The following NRXN3 variants were observed in gnomAD, a reference collection of about 807,000 sequenced individuals.
The protein encoded by NRXN3 is neurexin 3, also known as neurexin III.
A neutral mutation model predicts 137.6 loss-of-function variants in NRXN3; 32 were observed. The ratio of observed to expected loss-of-function variants is 0.23; its 90% confidence interval spans 0.18 to 0.31. NRXN3 has a LOEUF of 0.31. NRXN3 is among the 10% of genes least tolerant of loss of function. NRXN3 has a pLI of 1.00. For missense variants in NRXN3, 1,574 were observed against 2,062.5 expected (o/e 0.76, Z 4.59); for synonymous variants, 798 against 784.5 (o/e 1.02, Z -0.29).
At chr14:79,257,397 GTGGTGGTGGTGGTGGTGA>G (rs2076767002) in intron 15 of NRXN3, among the ~76,000 whole-genome samples, 3 of 87,380 alleles carry the variant, frequency 3.4e-5, no homozygotes, top group Admixed American at 2.5e-4. Context: ...GATGGTGGTG[GTGGTGGTGGTGGTGGTGA>G]TGGTGGTGAT....
chr14:78,504,506 G>A (rs2095942969), intron 4 of NRXN3, among the ~76,000 whole-genome samples: 1 of 152,172 alleles, frequency 6.6e-6, no homozygotes, highest in Admixed American at 6.5e-5. Context: ...AGAGATGAAT[G>A]AGGAGATAAT....
rs1438595417 is a variant in NRXN3, at chr14:79,807,395, A to G, written c.4093+2205A>G. Among the ~76,000 whole-genome samples, 3 of 152,180 alleles carry G rather than the reference A, an allele frequency of 2.0e-5. No homozygotes were observed. The East Asian group carries it at 5.8e-4, about 29-fold the overall frequency. The stretch of plus-strand genomic sequence containing the variant: ...CCCTGCCTCAGAAAGTCATCTCCAC[A>G]GCAACATTCATAATAAGGCAGTGGG... On this transcript the variant is annotated intron_variant, in intron 20 of 20. Transcript: ENST00000335750.
chr14:79,301,263 G>A (rs886081278), intron 15 of NRXN3, among the ~76,000 whole-genome samples: 3 of 152,058 alleles, frequency 2.0e-5, no homozygotes, highest in South Asian at 2.1e-4. Context: ...GTGATTGACT[G>A]TGGCTGAGTG....
chr14:78,709,371 G>C lies in NRXN3; in HGVS notation c.1376G>C (p.Ser459Thr), dbSNP rs778432664. ...INFETPEAYI[S>T]LPKWNTKRMG... ...TTTGAGACCCCAGAGGCTTACATCA[G>C]CTTGCCCAAGTGGAACACTAAACGT... Residue 459 changes from serine to threonine, a missense_variant, in exon 7 of 21, where the codon AGC becomes ACC. Ser to Thr is a moderately conservative substitution (Grantham distance 58, BLOSUM62 1). This residue lies in a region of NRXN3 where 718 missense variants were observed against 887.6 expected (regional missense o/e 0.81). Coordinates refer to ENST00000335750, the MANE Select transcript of NRXN3 (RefSeq NM_001330195.2). 3.7e-6 allele frequency: 6 copies of C among 1,614,016 alleles called. No homozygotes were observed. Among genetic ancestry groups the C allele is most frequent in the Non-Finnish European group, 4.2e-6 (5 of 1,180,028 alleles).
At chr14:79,418,806 C>T (rs2095534368) in intron 15 of NRXN3, among the ~76,000 whole-genome samples, 2 of 152,138 alleles carry the variant, frequency 1.3e-5, no homozygotes, top group South Asian at 4.1e-4. Context: ...GGGTAAACAG[C>T]AGGTGACAGT....
intron 15 of NRXN3, among the ~76,000 whole-genome samples, chr14:79,211,240 T>A (rs956740969): frequency 6.6e-5 from 10 of 152,200 alleles, no homozygotes; most frequent in Admixed American, 3.9e-4. Context: ...AGTACTTCTC[T>A]GTATTGTCAT....
chr14:78,770,768 AAAGT>A (rs1567262849), intron 8 of NRXN3, among the ~76,000 whole-genome samples: 1 of 152,204 alleles, frequency 6.6e-6, no homozygotes, highest in Non-Finnish European at 1.5e-5. Context: ...GAGGAGGAAC[AAAGT>A]AAGTAAGGCA....
intron 16 of NRXN3, among the ~76,000 whole-genome samples, chr14:79,529,118 A>G (rs1453602899): frequency 1.3e-5 from 2 of 152,158 alleles, no homozygotes; most frequent in Non-Finnish European, 2.9e-5. Context: ...AGTATGGGCC[A>G]GCTACTCTCT....
At chr14:79,394,705 A>G (rs925002618) in intron 15 of NRXN3, among the ~76,000 whole-genome samples, 2 of 152,226 alleles carry the variant, frequency 1.3e-5, no homozygotes, top group South Asian at 2.1e-4. Context: ...TAAACATTGT[A>G]TATGTAAATA....
chr14:78,663,234 G>C (rs1185358923), intron 6 of NRXN3, among the ~76,000 whole-genome samples: 1 of 152,166 alleles, frequency 6.6e-6, no homozygotes. Flanking sequence ...CTCTGGAAAA[G>C]GTTGGTGATT....
chr14:79,256,490 C>G (rs146076786), intron 15 of NRXN3, among the ~76,000 whole-genome samples: 260 of 152,238 alleles, frequency 1.7e-3, no homozygotes, highest in African/African-American at 6.0e-3. Context: ...TAGTAGAGTG[C>G]CCCCTAGCAC....
At chr14:78,795,939 G>A (rs1485919158) in intron 8 of NRXN3, among the ~76,000 whole-genome samples, 2 of 152,164 alleles carry the variant, frequency 1.3e-5, no homozygotes, top group African/African-American at 2.4e-5. Flanking sequence ...GCTGCCATCC[G>A]CTAGCTCACC....
chr14:78,847,280 A>T (rs2099029847), intron 10 of NRXN3, among the ~76,000 whole-genome samples: 1 of 152,082 alleles, frequency 6.6e-6, no homozygotes, highest in African/African-American at 2.4e-5. Flanking sequence ...CTGTCTGAAA[A>T]AATGTGCCCA....
intron 4 of NRXN3, among the ~76,000 whole-genome samples, chr14:78,471,291 AACACACAC>A (rs553942003): frequency 0.067 from 6,524 of 96,796 alleles, 209 homozygotes; most frequent in African/African-American, 0.1. Context: ...CAACACACTC[AACACACAC>A]ACACACACAC....
chr14:78,401,074 C>T (rs1295687113), intron 4 of NRXN3, among the ~76,000 whole-genome samples: 1 of 152,228 alleles, frequency 6.6e-6, no homozygotes, highest in Non-Finnish European at 1.5e-5. Context: ...GACAAATGCT[C>T]TGTCCTCACA....
chr14:79,115,155 G>A (rs934716556), intron 15 of NRXN3, among the ~76,000 whole-genome samples: 1 of 151,772 alleles, frequency 6.6e-6, no homozygotes, highest in Non-Finnish European at 1.5e-5. Context: ...GAGAAACCCC[G>A]TCTCTACTAA....
intron 10 of NRXN3, among the ~76,000 whole-genome samples, chr14:78,892,504 A>ATTGAAGG (rs888206302): frequency 6.6e-6 from 1 of 151,748 alleles, no homozygotes; most frequent in African/African-American, 2.4e-5. Flanking sequence ...ATTGGCAGTC[A>ATTGAAGG]TTGAAGGTTT....
At chr14:78,600,677 A>G (rs2097195093) in intron 4 of NRXN3, among the ~76,000 whole-genome samples, 1 of 152,082 alleles carries the variant, frequency 6.6e-6, no homozygotes, top group African/African-American at 2.4e-5. Context: ...ATGAGCCTCA[A>G]CTCCAAATTG....
chr14:78,221,161 C>G (rs935822931), intron 1 of NRXN3, among the ~76,000 whole-genome samples: 18 of 152,178 alleles, frequency 1.2e-4, no homozygotes, highest in African/African-American at 3.4e-4. Flanking sequence ...TAATGATTGA[C>G]TATGCAGCCT....
Sources: allele counts gnomAD v4.1 joint callset (sites outside exome capture counted in the v4.1 genomes callset), GRCh38; gene constraint gnomAD v4.1.1; regional missense constraint gnomAD v4.1.1; transcripts MANE v1.5; gene names NCBI Gene and HGNC (gene_info 2026-07-23, HGNC 2026-07-21).